Variants in SSH1 observed in about 807,000 individuals in gnomAD.
SSH1 encodes slingshot protein phosphatase 1.
SSH1 carries 43 observed loss-of-function variants against 79.7 expected under a neutral mutation model. The observed-to-expected ratio is 0.54, with a 90% CI of 0.42 to 0.70. SSH1 has a LOEUF of 0.70. Ranked by LOEUF, SSH1 falls within the 30% of genes least tolerant of loss-of-function variation. The pLI is 0.00. For missense variants in SSH1, 1,206 were observed against 1,358.8 expected, an observed-to-expected ratio of 0.89 and a Z score of 1.77; for synonymous variants, 599 against 538.3, an observed-to-expected ratio of 1.11 and a Z score of -1.56.
rs142019401 is a variant in SSH1, at chr12:108,846,987, C to T, written c.110+5651G>A. Among the ~76,000 whole-genome samples the T allele has an allele frequency of 3.0e-4, 46 of 152,242 alleles. 1 individual carries two copies. In the East Asian group the frequency reaches 8.3e-3, roughly 27 times the overall value. On this transcript the variant is annotated intron_variant, in intron 2 of 14. Coordinates refer to ENST00000326495, the MANE Select transcript of SSH1 (RefSeq NM_018984.4). ...TCTCAGCTCACTGCAGTCTCGACCTCCTGGGTTCAAGTGATTCTCCTACCT... is the reference window on the plus strand; with the variant it reads ...TCTCAGCTCACTGCAGTCTCGACCTTCTGGGTTCAAGTGATTCTCCTACCT...
intron 14 of SSH1, 109 bp downstream of exon 14, chr12:108,792,177 G>C (rs748828322): frequency 2.1e-4 from 326 of 1,570,430 alleles, no homozygotes; most frequent in Non-Finnish European, 2.4e-4. Flanking sequence ...AAAATCAGCT[G>C]GGTGTGGTGG....
chr12:108,853,042 G>T (rs1273093120), intron 1 of SSH1: 1 of 985,236 alleles, frequency 1.0e-6, no homozygotes, highest in Non-Finnish European at 1.2e-6. Context: ...AAGGGGAGGG[G>T]GTCATGTTTA....
intron 2 of SSH1, 28 bp downstream of exon 2, chr12:108,852,610 T>C: frequency 6.2e-7 from 1 of 1,613,634 alleles, no homozygotes; most frequent in Non-Finnish European, 8.5e-7. Context: ...GAGAAAGACT[T>C]AGGAACAAGA....
At chr12:108,809,848 G>A in intron 6 of SSH1, 90 bp from the exon 7 acceptor site, 6 of 1,081,968 alleles carry the variant, frequency 5.5e-6, no homozygotes, top group South Asian at 1.2e-5. Flanking sequence ...CCAAACCACT[G>A]CGCACGCTGG....
rs377181291 is a variant in SSH1 at position 108,799,029 on chromosome 12, C to T, written c.1320G>A (p.Leu440=). ...TRPNAGFMRQ[L]SEYEGILDAS... ...CATCCAAGATGCCTTCATACTCAGA[C>T]AGCTGCCTCATAAAGCCCGCGTTGG... is the stretch of plus-strand genomic sequence containing the variant. The change falls in exon 13 of 15, where the codon CTG becomes CTA. Residue 440 remains leucine, a synonymous_variant. Transcript: ENST00000326495. The T allele has an allele frequency of 5.7e-5, 92 of 1,613,740 alleles. No individual in the cohort carries two copies. Among genetic ancestry groups the T allele is most frequent in the Non-Finnish European group, 7.6e-5 (90 of 1,180,058 alleles).
intron 14 of SSH1, 62 bp from the exon 15 acceptor site, chr12:108,789,306 A>C: frequency 6.5e-7 from 1 of 1,528,708 alleles, no homozygotes; most frequent in Non-Finnish European, 8.9e-7. Context: ...GACCAAAAAC[A>C]TGAGGGTGGG....
chr12:108,851,744 A>G (rs961010805), intron 2 of SSH1, among the ~76,000 whole-genome samples: 1 of 152,220 alleles, frequency 6.6e-6, no homozygotes, highest in Non-Finnish European at 1.5e-5. Context: ...GCACAATTAA[A>G]GCACCCTGAA....
intron 1 of SSH1, among the ~76,000 whole-genome samples, chr12:108,853,731 C>G (rs1230552140): frequency 6.6e-6 from 1 of 152,068 alleles, no homozygotes; most frequent in Non-Finnish European, 1.5e-5. Context: ...CGAGACCAGC[C>G]TAGCCAACAA....
At chr12:108,856,123 C>T (rs1008498153) in intron 1 of SSH1, among the ~76,000 whole-genome samples, 8 of 152,254 alleles carry the variant, frequency 5.3e-5, no homozygotes, top group Admixed American at 2.6e-4. Context: ...GACCGCAGGG[C>T]CGCTCCTCCA....
intron 13 of SSH1, among the ~76,000 whole-genome samples, chr12:108,797,953 G>C (rs1173104069): frequency 1.3e-5 from 2 of 152,242 alleles, no homozygotes; most frequent in Admixed American, 1.3e-4. Context: ...CACTGAGCTG[G>C]TAACACACTG....
At chr12:108,811,832 G>A (rs2037621198) in intron 5 of SSH1, among the ~76,000 whole-genome samples, 1 of 152,186 alleles carries the variant, frequency 6.6e-6, no homozygotes, top group African/African-American at 2.4e-5. Flanking sequence ...CCGAATGACT[G>A]CAGAGACTGG....
At chr12:108,834,985 C>T (rs2038564388) in intron 2 of SSH1, among the ~76,000 whole-genome samples, 1 of 152,168 alleles carries the variant, frequency 6.6e-6, no homozygotes, top group Non-Finnish European at 1.5e-5. Context: ...AAATAAGACT[C>T]ACAGCATCAT....
At chr12:108,801,993 C>CG (rs905789104) in intron 11 of SSH1, among the ~76,000 whole-genome samples, 2 of 152,120 alleles carry the variant, frequency 1.3e-5, no homozygotes, top group African/African-American at 4.8e-5. Context: ...AGCAACTGTG[C>CG]GGGGCAGGGA....
chr12:108,807,829 TGG>T lies in SSH1; in HGVS notation c.537-4_537-3del, dbSNP rs755548532. The T allele has an allele frequency of 6.2e-7, 1 of 1,613,574 alleles. No individual in the cohort carries two copies. On this transcript the variant is annotated splice_region_variant and splice_polypyrimidine_tract_variant and intron_variant, in intron 7 of 14. Transcript: ENST00000326495. The surrounding 1 kb of genome is among the most constrained non-coding windows in gnomAD (Gnocchi z 5.2). Reference sequence around the variant, plus strand: ...TTGTGAAGCACCTGCAGGGCAGACCTGGGGCGAGGAGAAGACAGGGTCAGGCC... The same window carrying T: ...TTGTGAAGCACCTGCAGGGCAGACCTGGCGAGGAGAAGACAGGGTCAGGCC...
At chr12:108,795,015 T>G (rs932264222) in intron 13 of SSH1, among the ~76,000 whole-genome samples, 2 of 152,218 alleles carry the variant, frequency 1.3e-5, no homozygotes, top group Non-Finnish European at 2.9e-5. Context: ...CATGACTCTC[T>G]TCCCCCTACC....
intron 1 of SSH1, among the ~76,000 whole-genome samples, chr12:108,855,570 T>C (rs577158827): frequency 1.3e-5 from 2 of 152,256 alleles, no homozygotes; most frequent in South Asian, 4.1e-4. Context: ...TCTAGGAACA[T>C]GGGGTTTTGA....
At chr12:108,796,355 TC>T (rs1203236392) in intron 13 of SSH1, among the ~76,000 whole-genome samples, 5 of 152,180 alleles carry the variant, frequency 3.3e-5, no homozygotes, top group African/African-American at 1.2e-4. Flanking sequence ...GAACAGTAAC[TC>T]CCCATTCCCT....
intron 2 of SSH1, among the ~76,000 whole-genome samples, chr12:108,847,752 C>T (rs890041216): frequency 2.0e-5 from 3 of 152,140 alleles, no homozygotes; most frequent in Admixed American, 6.5e-5. Flanking sequence ...GCCACCGTGC[C>T]CAGCCATTTA....
At chr12:108,853,394 A>AC (rs1165180408) in intron 1 of SSH1, 3 of 971,206 alleles carry the variant, frequency 3.1e-6, no homozygotes, top group Admixed American at 6.2e-5. Context: ...ACACATACAC[A>AC]CCCCCCAAAC....
Sources: gnomAD v4.1 joint callset for allele counts (sites outside exome capture counted in the v4.1 genomes callset) on GRCh38, gnomAD v4.1.1 for gene constraint, Gnocchi (gnomAD v3.1) non-coding constraint, MANE v1.5 for transcripts, NCBI Gene and HGNC (gene_info 2026-07-23, HGNC 2026-07-21) for gene names.